Variants in GPC5 observed in about 807,000 individuals in gnomAD.
The protein encoded by GPC5 is glypican 5.
A neutral mutation model predicts 53.9 loss-of-function variants in GPC5; 47 were observed. The observed-to-expected ratio is 0.87, with a 90% CI of 0.69 to 1.11. The LOEUF (loss-of-function observed/expected upper bound fraction) is 1.11. Among genes scored for constraint, GPC5 ranks in the 50% most tolerant of loss-of-function variants. The pLI is 0.00. For missense variants in GPC5, 748 were observed against 713.1 expected, an observed-to-expected ratio of 1.05 and a Z score of -0.56; for synonymous variants, 286 against 263.3, an observed-to-expected ratio of 1.09 and a Z score of -0.84.
At chr13:92,623,947 C>T (rs931854723) in intron 7 of GPC5, among the ~76,000 whole-genome samples, 4 of 151,834 alleles carry the variant, frequency 2.6e-5, no homozygotes, top group East Asian at 1.9e-4. Flanking sequence ...CTCTGCCTCC[C>T]GGGTTCAAGC....
chr13:92,187,141 G>C (rs1247059974), intron 7 of GPC5, among the ~76,000 whole-genome samples: 1 of 151,752 alleles, frequency 6.6e-6, no homozygotes, highest in Non-Finnish European at 1.5e-5. Flanking sequence ...TTCTGAAACT[G>C]TTCACTCAGC....
At chr13:92,428,043 C>T (rs1876914091) in intron 7 of GPC5, among the ~76,000 whole-genome samples, 3 of 151,984 alleles carry the variant, frequency 2.0e-5, no homozygotes, top group African/African-American at 7.3e-5. Context: ...TTTTTGTCAG[C>T]AAAATGTTTT....
At chr13:92,011,118 T>C (rs192479221) in intron 6 of GPC5, among the ~76,000 whole-genome samples, 196 of 152,108 alleles carry the variant, frequency 1.3e-3, no homozygotes, top group Admixed American at 2.9e-3. Flanking sequence ...GATAACTATA[T>C]AGATAAGGAA....
intron 7 of GPC5, among the ~76,000 whole-genome samples, chr13:92,432,608 C>T (rs1877142549): frequency 1.3e-5 from 2 of 151,462 alleles, no homozygotes; most frequent in Admixed American, 1.3e-4. Context: ...ATCTCCTGAC[C>T]TCGTGATCTG....
At chr13:92,103,980 T>C (rs570930586) in intron 6 of GPC5, among the ~76,000 whole-genome samples, 118 of 152,292 alleles carry the variant, frequency 7.7e-4, no homozygotes, top group African/African-American at 2.7e-3. Context: ...CCCTGACCAT[T>C]ATTACCACTT....
chr13:92,691,348 C>T (rs1266323168), intron 7 of GPC5, among the ~76,000 whole-genome samples: 1 of 140,754 alleles, frequency 7.1e-6, no homozygotes, highest in Non-Finnish European at 1.5e-5. Flanking sequence ...TCCGTCACCC[C>T]TTTCTTTGAC....
chr13:91,757,639 G>T (rs185686735), intron 5 of GPC5, among the ~76,000 whole-genome samples: 1 of 152,216 alleles, frequency 6.6e-6, no homozygotes, highest in African/African-American at 2.4e-5. Flanking sequence ...GGACGTATTT[G>T]CTTCCCCTTA....
chr13:92,718,667 G>A (rs1888408587), intron 7 of GPC5, among the ~76,000 whole-genome samples: 1 of 151,766 alleles, frequency 6.6e-6, no homozygotes, highest in Non-Finnish European at 1.5e-5. Flanking sequence ...CAGTCAACGG[G>A]GTTAAAGACC....
intron 5 of GPC5, among the ~76,000 whole-genome samples, chr13:91,786,230 C>T (rs1201568609): frequency 1.3e-5 from 2 of 152,194 alleles, no homozygotes; most frequent in East Asian, 1.9e-4. Context: ...CTCCTGACCT[C>T]GCGATCCGCC....
intron 7 of GPC5, among the ~76,000 whole-genome samples, chr13:92,591,094 G>A (rs1208534132): frequency 3.9e-5 from 6 of 152,262 alleles, no homozygotes; most frequent in African/African-American, 1.2e-4. Context: ...AACTTTTCAT[G>A]TCCCCTTCAT....
At chr13:92,687,960 G>A (rs1444645108) in intron 7 of GPC5, among the ~76,000 whole-genome samples, 1 of 50,242 alleles carries the variant, frequency 2.0e-5, no homozygotes, top group Admixed American at 3.6e-4. Flanking sequence ...TGCTGGATTC[G>A]GTTTGCCAGT....
intron 1 of GPC5, among the ~76,000 whole-genome samples, chr13:91,416,996 G>A (rs894985456): frequency 2.6e-5 from 4 of 151,958 alleles, no homozygotes; most frequent in South Asian, 2.1e-4. Flanking sequence ...TTACTTTTAC[G>A]TCTTTTACTT....
intron 3 of GPC5, among the ~76,000 whole-genome samples, chr13:91,704,374 A>G (rs1262023602): frequency 6.6e-6 from 1 of 152,124 alleles, no homozygotes; most frequent in Non-Finnish European, 1.5e-5. Flanking sequence ...CAGTTTTTAT[A>G]TGACCATAGA....
rs919270002 is a variant in GPC5, at chr13:91,573,071, A to C, written c.326-120116A>C. Among the ~76,000 whole-genome samples, 8 of 152,270 alleles carry C rather than the reference A, an allele frequency of 5.3e-5. No individual in the cohort carries two copies. The East Asian group carries it at 1.5e-3, about 29-fold the overall frequency. On this transcript the variant is annotated intron_variant, in intron 2 of 7. Transcript: ENST00000377067. ...CCCCTGTTACTTTGATTCTTCAGTG[A>C]TCTCCTGATGTTCTGGGAAGAAATG...
At chr13:91,536,891 A>T (rs1210950112) in intron 2 of GPC5, among the ~76,000 whole-genome samples, 1 of 152,228 alleles carries the variant, frequency 6.6e-6, no homozygotes, top group East Asian at 1.9e-4. Context: ...CATCAATAAC[A>T]CGGGACAGTT....
chr13:91,530,943 G>A (rs1886313136), intron 2 of GPC5, among the ~76,000 whole-genome samples: 1 of 152,104 alleles, frequency 6.6e-6, no homozygotes, highest in South Asian at 2.1e-4. Context: ...TTGGTATCAT[G>A]GTATGGATAG....
At chr13:92,079,897 C>A (rs1349845568) in intron 6 of GPC5, among the ~76,000 whole-genome samples, 5 of 152,166 alleles carry the variant, frequency 3.3e-5, no homozygotes, top group African/African-American at 1.2e-4. Flanking sequence ...AACTTCCTTA[C>A]AGAAAATGCT....
chr13:92,846,984 A>G (rs1878634094), intron 7 of GPC5, among the ~76,000 whole-genome samples: 1 of 152,146 alleles, frequency 6.6e-6, no homozygotes, highest in African/African-American at 2.4e-5. Context: ...GAGATATTCT[A>G]AGACTACATG....
At chr13:92,712,162 G>A (rs1012758813) in intron 7 of GPC5, among the ~76,000 whole-genome samples, 1 of 151,370 alleles carries the variant, frequency 6.6e-6, no homozygotes, top group African/African-American at 2.4e-5. Flanking sequence ...AAAGATAAAA[G>A]AGACAAAAAT....
Sources: gnomAD v4.1 joint callset for allele counts (sites outside exome capture counted in the v4.1 genomes callset) on GRCh38, gnomAD v4.1.1 for gene constraint, MANE v1.5 for transcripts, NCBI Gene and HGNC (gene_info 2026-07-23, HGNC 2026-07-21) for gene names.